Variants in CSMD2 observed in about 807,000 individuals in gnomAD.
The protein encoded by CSMD2 is CUB and Sushi multiple domains 2, also known as CUB and sushi domain-containing protein 2.
CSMD2 carries 130 observed loss-of-function variants against 398.5 expected under a neutral mutation model. The ratio of observed to expected loss-of-function variants is 0.33; its 90% confidence interval spans 0.28 to 0.38. The LOEUF is 0.38. Among genes scored for constraint, CSMD2 ranks in the 10% least tolerant of loss-of-function variants. The pLI, the probability that CSMD2 is intolerant of heterozygous loss-of-function variation, is 1.00. For missense variants in CSMD2, 3,829 were observed against 4,764.9 expected, an observed-to-expected ratio of 0.80 and a Z score of 5.78; for synonymous variants, 1,828 against 1,908.5, an observed-to-expected ratio of 0.96 and a Z score of 1.10.
intron 5 of CSMD2, chr1:33,864,211 TA>T (rs755425114): frequency 6.2e-7 from 1 of 1,604,082 alleles, no homozygotes; most frequent in South Asian, 1.1e-5. Flanking sequence ...GAAATCCAGC[TA>T]AAGCCTAAGG....
intron 5 of CSMD2, among the ~76,000 whole-genome samples, chr1:33,914,768 T>C (rs1450351460): frequency 2.0e-5 from 3 of 152,238 alleles, no homozygotes; most frequent in African/African-American, 7.2e-5. Flanking sequence ...CTGTTATTTA[T>C]GTGTGCTCCC....
intron 13 of CSMD2, among the ~76,000 whole-genome samples, chr1:33,749,284 A>G (rs1395074897): frequency 6.6e-6 from 1 of 151,878 alleles, no homozygotes; most frequent in East Asian, 1.9e-4. Flanking sequence ...TATTTTTAGT[A>G]GAGACAGGGT....
chr1:33,815,159 A>G (rs781666205), intron 9 of CSMD2: 9 of 152,078 alleles, frequency 5.9e-5, no homozygotes, highest in Non-Finnish European at 1.3e-4. Flanking sequence ...TCCTTCACCA[A>G]TTCCTTGCAG....
chr1:33,714,417 T>C (rs1646093580), intron 21 of CSMD2, among the ~76,000 whole-genome samples, 170 bp downstream of exon 21: 1 of 152,218 alleles, frequency 6.6e-6, no homozygotes, highest in African/African-American at 2.4e-5. Flanking sequence ...ATAAGGAGGA[T>C]GGAGCAGAAG....
Position 33,537,015 on chromosome 1 carries a change from T to A in CSMD2, c.9879+7A>T, listed in dbSNP as rs1655861048. 1.2e-6 allele frequency: 2 copies of A among 1,613,914 alleles called. No homozygotes were observed. The highest frequency in any genetic ancestry group is 1.7e-6 in the Non-Finnish European group (2 of 1,179,920). ...TAGGAAGACCCTATCTTGGCTGACC[T>A]CCTTACCTGGTAGCCCTGAGAATTG... is the stretch of plus-strand genomic sequence containing the variant. On this transcript the variant is annotated splice_region_variant and intron_variant, in intron 62 of 70. Coordinates refer to ENST00000373381, the MANE Select transcript of CSMD2 (RefSeq NM_001281956.2). The surrounding 1 kb of genome is among the most constrained non-coding windows in gnomAD (Gnocchi z 4.6).
chr1:33,721,426 C>T (rs1392471960), intron 19 of CSMD2, among the ~76,000 whole-genome samples: 2 of 152,144 alleles, frequency 1.3e-5, no homozygotes, highest in Admixed American at 6.5e-5. Context: ...GGAAAAAACA[C>T]ACACATAGAA....
chr1:34,147,792 A>C (rs1639920553), intron 1 of CSMD2, among the ~76,000 whole-genome samples: 1 of 152,196 alleles, frequency 6.6e-6, no homozygotes, highest in Non-Finnish European at 1.5e-5. Context: ...TCCCTGCGTA[A>C]CACAGGGTAT....
At chr1:33,846,735 CTGCAGACCTCTGGTCTGCAAAT>C (rs1421105114) in intron 6 of CSMD2, 127 bp downstream of exon 6, 6 of 450,816 alleles carry the variant, frequency 1.3e-5, no homozygotes, top group East Asian at 3.8e-5. Context: ...AGATGCAAAT[CTGCAGACCTCTGGTCTGCAAAT>C]AGAAACGTAC....
intron 12 of CSMD2, among the ~76,000 whole-genome samples, chr1:33,779,505 A>G (rs1393413629): frequency 1.3e-5 from 2 of 152,232 alleles, no homozygotes; most frequent in South Asian, 4.1e-4. Flanking sequence ...GTGACTAACC[A>G]TATTTCCTCA....
rs183067234 is a variant in CSMD2 at position 33,998,937 on chromosome 1, T to G, written c.517+33657A>C. Among the ~76,000 whole-genome samples, 189 of 152,290 alleles carry G rather than the reference T, an allele frequency of 1.2e-3. 1 individual carries two copies. The highest frequency in any genetic ancestry group is 4.5e-3 in the African/African-American group (187 of 41,566). The stretch of plus-strand genomic sequence containing the variant: ...GAGTTGATCCTCAACTTAGGAAGTC[T>G]AAATATCTGGGTTGCATAAACAGCC... On this transcript the variant is annotated intron_variant, in intron 3 of 70. Coordinates refer to ENST00000373381, the MANE Select transcript of CSMD2 (RefSeq NM_001281956.2).
At chr1:33,606,047 T>C in intron 41 of CSMD2, 1 of 1,561,706 alleles carries the variant, frequency 6.4e-7, no homozygotes, top group Non-Finnish European at 8.6e-7. Flanking sequence ...CGTGTGGCTG[T>C]CACAAAGCAA....
chr1:33,999,212 A>C (rs1646819895), intron 3 of CSMD2, among the ~76,000 whole-genome samples: 1 of 152,122 alleles, frequency 6.6e-6, no homozygotes, highest in African/African-American at 2.4e-5. Flanking sequence ...CTAAATCTAC[A>C]AGACTGCAAT....
In CSMD2 at chr1:33,858,798, C is replaced by A. The variant is rs184785219; in HGVS notation, c.921-11802G>T. On this transcript the variant is annotated intron_variant, in intron 5 of 70. Transcript: ENST00000373381. The stretch of plus-strand genomic sequence containing the variant: ...TCATCACTGGCCATCAAAGCAGCAG[C>A]CACACTGCTCCAGCAACTCAACAGC... Among the ~76,000 whole-genome samples the A allele has an allele frequency of 3.9e-4, 59 of 152,274 alleles. 1 individual carries two copies. Among genetic ancestry groups the A allele is most frequent in the African/African-American group, 1.4e-3 (57 of 41,560 alleles).
intron 5 of CSMD2, among the ~76,000 whole-genome samples, chr1:33,873,989 T>G (rs1455524580): frequency 6.6e-6 from 1 of 152,220 alleles, no homozygotes; most frequent in Non-Finnish European, 1.5e-5. Context: ...CAGACTTAGG[T>G]CAGGTATCCC....
chr1:34,161,549 A>G (rs1641329248), intron 1 of CSMD2, among the ~76,000 whole-genome samples: 1 of 152,238 alleles, frequency 6.6e-6, no homozygotes, highest in African/African-American at 2.4e-5. Flanking sequence ...ATAGTGTCCC[A>G]GAAGCCCAAG....
intron 3 of CSMD2, among the ~76,000 whole-genome samples, chr1:34,012,896 C>T (rs750281529): frequency 8.5e-5 from 13 of 152,180 alleles, no homozygotes; most frequent in Non-Finnish European, 1.6e-4. Context: ...AGGGCCTGGG[C>T]ACAAAGGGGA....
intron 38 of CSMD2, 148 bp downstream of exon 38, chr1:33,617,351 A>G (rs12088449): frequency 2.4e-5 from 15 of 631,944 alleles, no homozygotes; most frequent in Non-Finnish European, 4.2e-5. Flanking sequence ...TATCTTTTGC[A>G]TGAACAGCTC....
At chr1:33,786,760 T>A (rs1653586833) in intron 12 of CSMD2, among the ~76,000 whole-genome samples, 1 of 152,168 alleles carries the variant, frequency 6.6e-6, no homozygotes, top group South Asian at 2.1e-4. Context: ...GTATTTTCTG[T>A]CTGTTGTTCT....
chr1:33,657,978 A>G lies in CSMD2; in HGVS notation c.4415T>C (p.Phe1472Ser), dbSNP rs752140459. The G allele has an allele frequency of 6.2e-7, 1 of 1,613,968 alleles. No homozygotes were observed. The highest frequency in any genetic ancestry group is 8.5e-7 in the Non-Finnish European group (1 of 1,179,894). The part of the protein sequence containing the change: ...EISCVKIENR[F>S]FWQPSPPTCI... The stretch of plus-strand genomic sequence containing the variant: ...TGTTGGCGGGCTGGGCTGCCAGAAG[A>G]ACCTGTTCTCGATCTTCACACAGCT... The change falls in exon 27 of 71, where the codon TTC (phenylalanine) becomes TCC (serine). Residue 1472 changes from phenylalanine (F) to serine (S), a missense_variant. Phe to Ser is a radical substitution (Grantham distance 155, BLOSUM62 -2). This residue lies in a region of CSMD2 where 2,001 missense variants were observed against 2,567.1 expected (regional missense o/e 0.78). Transcript: ENST00000373381.
Sources: allele counts gnomAD v4.1 joint callset (sites outside exome capture counted in the v4.1 genomes callset), GRCh38; gene constraint gnomAD v4.1.1; regional missense constraint gnomAD v4.1.1; non-coding constraint Gnocchi (gnomAD v3.1); transcripts MANE v1.5; gene names NCBI Gene and HGNC (gene_info 2026-07-23, HGNC 2026-07-21).